Variants in ZFTRAF1 observed in about 807,000 individuals in gnomAD.
ZFTRAF1 encodes zinc finger TRAF-type and ring finger containing 1.
the ZFTRAF1 span, chr8:144,452,276 A>G: frequency 4.1e-6 from 6 of 1,458,540 alleles, no homozygotes; most frequent in East Asian, 9.9e-5. Context: ...CCCAGTGCCC[A>G]GAGCCTGCTG....
the ZFTRAF1 span, among the ~76,000 whole-genome samples, chr8:144,459,907 G>A: frequency 1.3e-5 from 2 of 152,256 alleles, no homozygotes; most frequent in Admixed American, 6.5e-5. Flanking sequence ...GCTCGAGACA[G>A]CCAATCAACG....
the ZFTRAF1 span, chr8:144,462,394 G>T: frequency 2.4e-6 from 1 of 421,910 alleles, no homozygotes; most frequent in South Asian, 4.5e-5. Flanking sequence ...CCGCCGCCTC[G>T]GCCGCCTCGG....
the ZFTRAF1 span, among the ~76,000 whole-genome samples, chr8:144,460,262 G>C: frequency 0.012 from 1,844 of 152,356 alleles, 45 homozygotes; most frequent in African/African-American, 0.043. Context: ...CAGCCCCAGC[G>C]CCTTCGGTCT....
At chr8:144,454,017 A>G in the ZFTRAF1 span, 143,428 of 154,980 alleles carry the variant, frequency 0.93, 67,075 homozygotes, top group Non-Finnish European at 1. Flanking sequence ...ACCTGCAGAG[A>G]CCTCCTCAGA....
chr8:144,452,655 G>A, the ZFTRAF1 span: 3 of 1,290,738 alleles, frequency 2.3e-6, no homozygotes, highest in Admixed American at 2.1e-5. Flanking sequence ...CTTCCATCCA[G>A]CTAAGAACCC....
At chr8:144,462,753 G>C in the ZFTRAF1 span, 1 of 148,556 alleles carries the variant, frequency 6.7e-6, no homozygotes, top group Middle Eastern at 3.3e-3. Context: ...CCGCCGCCGC[G>C]AACCCGCAGC....
the ZFTRAF1 span, chr8:144,452,095 C>G: frequency 1.9e-6 from 1 of 522,896 alleles, no homozygotes; most frequent in Admixed American, 3.0e-5. Context: ...GATGGTGAAG[C>G]CAGGGTGGCG....
chr8:144,450,482 G>A, the ZFTRAF1 span: 11 of 718,432 alleles, frequency 1.5e-5, no homozygotes, highest in Non-Finnish European at 2.6e-5. Flanking sequence ...CACGTAGTCC[G>A]TCTCGTTGCT....
chr8:144,450,924 G>GC, the ZFTRAF1 span, among the ~76,000 whole-genome samples: 1 of 152,132 alleles, frequency 6.6e-6, no homozygotes, highest in Non-Finnish European at 1.5e-5. Context: ...CAAGCCAAAC[G>GC]CAACTATGGC....
chr8:144,459,105 G>A, the ZFTRAF1 span, among the ~76,000 whole-genome samples: 1 of 152,246 alleles, frequency 6.6e-6, no homozygotes, highest in Non-Finnish European at 1.5e-5. Flanking sequence ...AATGGAGGGA[G>A]AGAAGTCAGG....
chr8:144,457,967 C>G, the ZFTRAF1 span: 2 of 152,342 alleles, frequency 1.3e-5, no homozygotes, highest in African/African-American at 4.8e-5. Context: ...CCCTGTGGCA[C>G]AAACCCCAAA....
the ZFTRAF1 span, chr8:144,453,537 C>T: frequency 5.9e-6 from 8 of 1,345,110 alleles, no homozygotes; most frequent in South Asian, 8.4e-5. Context: ...TGCCCATCAG[C>T]TCCAGCCAGG....
the ZFTRAF1 span, chr8:144,450,699 C>T: frequency 2.8e-6 from 2 of 717,108 alleles, no homozygotes; most frequent in Non-Finnish European, 5.2e-6. Flanking sequence ...TGGTTCAGCA[C>T]TGTGAACCTG....
At chr8:144,461,271 C>T in the ZFTRAF1 span, among the ~76,000 whole-genome samples, 1 of 152,262 alleles carries the variant, frequency 6.6e-6, no homozygotes, top group Non-Finnish European at 1.5e-5. Flanking sequence ...CCATTAGCTA[C>T]TTCCAGCTCC....
the ZFTRAF1 span, chr8:144,456,809 G>C: frequency 6.6e-6 from 1 of 150,758 alleles, no homozygotes; most frequent in African/African-American, 2.5e-5. Context: ...ATCACATGGG[G>C]GGATGACATC....
chr8:144,462,062 G>C, the ZFTRAF1 span, among the ~76,000 whole-genome samples: 2 of 152,206 alleles, frequency 1.3e-5, no homozygotes, highest in African/African-American at 2.4e-5. Context: ...CAGAAAAGGG[G>C]GGTCCCGAGC....
the ZFTRAF1 span, chr8:144,457,111 CAG>C: frequency 6.0e-5 from 9 of 150,680 alleles, no homozygotes; most frequent in Non-Finnish European, 1.2e-4. Context: ...GGTGATACCA[CAG>C]GGGATGACAT....
chr8:144,461,996 G>A, the ZFTRAF1 span, among the ~76,000 whole-genome samples: 6 of 152,152 alleles, frequency 3.9e-5, no homozygotes, highest in Non-Finnish European at 7.3e-5. Flanking sequence ...AAAAAAGAAG[G>A]GAGAGGTAAG....
chr8:144,460,370 G>A, the ZFTRAF1 span, among the ~76,000 whole-genome samples: 3 of 152,246 alleles, frequency 2.0e-5, no homozygotes, highest in Non-Finnish European at 4.4e-5. Flanking sequence ...TCAGAGGCCT[G>A]GTCACCAGGA....
Sources: gnomAD v4.1 joint callset for allele counts (sites outside exome capture counted in the v4.1 genomes callset) on GRCh38, gnomAD v4.1.1 for gene constraint, MANE v1.5 for transcripts, NCBI Gene and HGNC (gene_info 2026-07-23, HGNC 2026-07-21) for gene names.